TRPC7: variants seen among roughly 807,000 people sequenced by gnomAD.
TRPC7 encodes the protein transient receptor potential cation channel subfamily C member 7, also known as short transient receptor potential channel 7.
TRPC7 carries 42 observed loss-of-function variants against 90.1 expected under a neutral mutation model. The observed-to-expected ratio is 0.47, with a 90% CI of 0.36 to 0.60. The LOEUF (loss-of-function observed/expected upper bound fraction) is 0.60. TRPC7 is among the 20% of genes least tolerant of loss of function. The pLI is 0.00. For missense variants in TRPC7, 955 were observed against 1,112.3 expected, an observed-to-expected ratio of 0.86 and a Z score of 2.01; for synonymous variants, 451 against 436.3, an observed-to-expected ratio of 1.03 and a Z score of -0.42.
intron 3 of TRPC7, among the ~76,000 whole-genome samples, chr5:136,309,601 G>T (rs1037062558): frequency 6.6e-6 from 1 of 152,236 alleles, no homozygotes; most frequent in South Asian, 2.1e-4. Flanking sequence ...TATAAGTGGC[G>T]AGCAGAAACA....
At chr5:136,265,015 C>T (rs1309611372) in intron 5 of TRPC7, among the ~76,000 whole-genome samples, 1 of 152,060 alleles carries the variant, frequency 6.6e-6, no homozygotes, top group African/African-American at 2.4e-5. Flanking sequence ...AGCATTTTTC[C>T]AATTGGTCTC....
chr5:136,215,074 G>A (rs1321538698), intron 11 of TRPC7, among the ~76,000 whole-genome samples: 2 of 152,148 alleles, frequency 1.3e-5, no homozygotes, highest in East Asian at 3.9e-4. Context: ...TTAGGTCTGG[G>A]TGGGGTCTGG....
chr5:136,315,492 A>C (rs944567487), intron 3 of TRPC7, 105 bp downstream of exon 3: 28 of 1,234,286 alleles, frequency 2.3e-5, no homozygotes, highest in Middle Eastern at 4.8e-4. Context: ...GGGTGTCATC[A>C]TGGTCACCCT....
chr5:136,257,332 G>A (rs771920632), intron 5 of TRPC7, among the ~76,000 whole-genome samples: 1 of 151,758 alleles, frequency 6.6e-6, no homozygotes, highest in African/African-American at 2.4e-5. Flanking sequence ...ACAGGCACAC[G>A]CCACCACACC....
intron 7 of TRPC7, among the ~76,000 whole-genome samples, chr5:136,246,560 C>T (rs1223792218): frequency 6.6e-6 from 1 of 152,174 alleles, no homozygotes; most frequent in Non-Finnish European, 1.5e-5. Flanking sequence ...TGGGCAGTGG[C>T]CAGGGAGCTG....
In TRPC7 at chr5:136,271,801, A is replaced by G. The variant is rs573815121; in HGVS notation, c.1128+2872T>C. ...GACTTGGTTATCCTCTTCAACCAAC[A>G]TATTAGTAAGCTGAACTTCTGTTGA... On this transcript the variant is annotated intron_variant, in intron 4 of 11. Transcript: ENST00000513104. Among the ~76,000 whole-genome samples the G allele has an allele frequency of 1.2e-4, 19 of 152,354 alleles. No individual in the cohort carries two copies. In the South Asian group the frequency reaches 3.5e-3, roughly 28 times the overall value.
Position 136,337,569 on chromosome 5 carries a change from G to T in TRPC7, c.780+19039C>A, listed in dbSNP as rs140420066. Among the ~76,000 whole-genome samples, 910 of 151,968 alleles carry T rather than the reference G, an allele frequency of 6.0e-3. 6 individuals carry two copies. The highest frequency in any genetic ancestry group is 0.021 in the African/African-American group (877 of 41,412). On this transcript the variant is annotated intron_variant, in intron 2 of 11. Coordinates refer to ENST00000513104, the MANE Select transcript of TRPC7 (RefSeq NM_020389.3). ...TAGTCTCAGCTACTCAAGAGGCTGA[G>T]GCAGGAGAATCACTTGAACCTGGGA... is the stretch of plus-strand genomic sequence containing the variant.
At position 136,315,580 on chromosome 5, in the gene TRPC7, G is replaced by C. The variant is rs553540459; in HGVS notation, c.963+17C>G. 1.2e-6 allele frequency: 2 copies of C among 1,612,806 alleles called. No individual in the cohort carries two copies. Among genetic ancestry groups the C allele is most frequent in the African/African-American group, 2.7e-5 (2 of 75,030 alleles). On this transcript the variant is annotated intron_variant, in intron 3 of 11. Transcript: ENST00000513104. ...GAGAGGTGAGATGGGAAGACCAGGA[G>C]AGATGGGGGAGCTTACCTTCTTGAC...
At chr5:136,310,390 C>T (rs1225308527) in intron 3 of TRPC7, among the ~76,000 whole-genome samples, 22 of 152,136 alleles carry the variant, frequency 1.4e-4, no homozygotes, top group Non-Finnish European at 4.4e-5. Flanking sequence ...TGAGGGAGAG[C>T]GAGTGGGTCC....
intron 5 of TRPC7, among the ~76,000 whole-genome samples, chr5:136,261,586 A>G (rs1160170875): frequency 6.6e-6 from 1 of 152,180 alleles, no homozygotes; most frequent in African/African-American, 2.4e-5. Flanking sequence ...CGACATTGTC[A>G]TCACTCCCTG....
intron 3 of TRPC7, among the ~76,000 whole-genome samples, 168 bp from the exon 4 acceptor site, chr5:136,275,005 G>C (rs889502871): frequency 6.6e-6 from 1 of 152,194 alleles, no homozygotes; most frequent in Non-Finnish European, 1.5e-5. Context: ...GGGGCCTTCT[G>C]ACTTGGGGAT....
chr5:136,307,070 T>C (rs1043753180), intron 3 of TRPC7, among the ~76,000 whole-genome samples: 1 of 152,258 alleles, frequency 6.6e-6, no homozygotes, highest in Non-Finnish European at 1.5e-5. Flanking sequence ...TTGATATATG[T>C]ATACAATATG....
intron 2 of TRPC7, among the ~76,000 whole-genome samples, chr5:136,346,787 A>T (rs1760021173): frequency 6.6e-6 from 1 of 152,034 alleles, no homozygotes; most frequent in Non-Finnish European, 1.5e-5. Flanking sequence ...CTCAGCCTTC[A>T]CCAGGTTATC....
At chr5:136,246,882 C>A (rs918142010) in intron 7 of TRPC7, among the ~76,000 whole-genome samples, 1 of 152,104 alleles carries the variant, frequency 6.6e-6, no homozygotes, top group Non-Finnish European at 1.5e-5. Context: ...ATTATTATCA[C>A]CATTTTAAAA....
intron 11 of TRPC7, chr5:136,214,328 C>G (rs561803116): frequency 6.6e-6 from 1 of 152,256 alleles, no homozygotes; most frequent in Non-Finnish European, 1.5e-5. Context: ...TAACCACAAA[C>G]AGATGTCAAA....
rs115636329 is a variant in TRPC7 at position 136,281,519 on chromosome 5, T to C, written c.964-6682A>G. On this transcript the variant is annotated intron_variant, in intron 3 of 11. Coordinates refer to ENST00000513104, the MANE Select transcript of TRPC7 (RefSeq NM_020389.3). ...CTTACTAGGAAGAGCAGCAGTTCCC[T>C]GAGCCTGAGTTCTGACTGGATAATG... is the stretch of plus-strand genomic sequence containing the variant. Among the ~76,000 whole-genome samples the C allele has an allele frequency of 5.1e-3, 770 of 152,324 alleles. 5 individuals are homozygous for C. The highest frequency in any genetic ancestry group is 0.018 in the African/African-American group (733 of 41,566).
At chr5:136,225,923 G>A in intron 9 of TRPC7, 111 bp downstream of exon 9, 8 of 879,820 alleles carry the variant, frequency 9.1e-6, no homozygotes. Flanking sequence ...CCCAGCTCCT[G>A]GCTCCCCTTG....
At chr5:136,322,019 AT>A (rs533347173) in intron 2 of TRPC7, among the ~76,000 whole-genome samples, 2,995 of 146,332 alleles carry the variant, frequency 0.02, 90 homozygotes, top group African/African-American at 0.067. Flanking sequence ...CCTGTACAAG[AT>A]TTTTTTTTTT....
intron 5 of TRPC7, among the ~76,000 whole-genome samples, chr5:136,259,896 T>G (rs1158201087): frequency 6.6e-6 from 1 of 152,234 alleles, no homozygotes; most frequent in African/African-American, 2.4e-5. Flanking sequence ...TTTCTTTGCC[T>G]CTCTGGCTCT....
Sources: allele counts gnomAD v4.1 joint callset (sites outside exome capture counted in the v4.1 genomes callset), GRCh38; gene constraint gnomAD v4.1.1; transcripts MANE v1.5; gene names NCBI Gene and HGNC (gene_info 2026-07-23, HGNC 2026-07-21).